Variants in PRRC1 observed in about 807,000 individuals in gnomAD.
PRRC1 encodes the protein protein PRRC1.
In PRRC1, 39 loss-of-function variants were observed where a neutral mutation model predicts 40.7. The observed-to-expected ratio is 0.96, with a 90% confidence interval of 0.74 to 1.25. The LOEUF is 1.25. Ranked by LOEUF, PRRC1 falls within the 50% of genes most tolerant of loss-of-function variation. PRRC1 has a pLI of 0.00. For synonymous variants in PRRC1, 175 were observed against 193.3 expected (o/e 0.91, Z 0.79); for missense variants, 573 against 548.3 (o/e 1.05, Z -0.45).
At chr5:127,539,290 C>A in intron 7 of PRRC1, 147 bp downstream of exon 7, 1 of 581,258 alleles carries the variant, frequency 1.7e-6, no homozygotes, top group South Asian at 2.2e-5. Context: ...AGCTGTGTGT[C>A]CTGCATGGCT....
chr5:127,524,485 A>G, intron 2 of PRRC1, 46 bp from the exon 3 acceptor site: 1 of 1,523,644 alleles, frequency 6.6e-7, no homozygotes, highest in Non-Finnish European at 8.8e-7. Flanking sequence ...AACTAAATAA[A>G]AAACATTTCT....
intron 1 of PRRC1, among the ~76,000 whole-genome samples, chr5:127,520,679 A>G (rs1767435594): frequency 6.6e-6 from 1 of 152,214 alleles, no homozygotes; most frequent in Non-Finnish European, 1.5e-5. Context: ...AAGGAACAAC[A>G]TGAGGAAGTT....
In PRRC1 at chr5:127,524,848, A is replaced by G. The variant is rs375478806; in HGVS notation, c.421A>G (p.Ile141Val). ...SGFSVGSTYD[I>V]TRGHAGRAPQ... ...ATTTTCTGTTGGTTCAACTTATGAC[A>G]TTACAAGGGGACATGCTGGGAGAGC... Residue 141 changes from isoleucine (I) to valine (V), a missense_variant, in exon 3 of 9, where the codon ATT becomes GTT. Coordinates refer to ENST00000296666, the MANE Select transcript of PRRC1 (RefSeq NM_130809.5). The G allele has an allele frequency of 1.2e-6, 2 of 1,614,176 alleles. No homozygotes were observed. Among genetic ancestry groups the G allele is most frequent in the Non-Finnish European group, 1.7e-6 (2 of 1,180,010 alleles).
intron 8 of PRRC1, 190 bp from the exon 9 acceptor site, chr5:127,551,517 T>C (rs1385528351): frequency 1.7e-6 from 1 of 593,728 alleles, no homozygotes; most frequent in East Asian, 2.9e-5. Context: ...AAAAAATAGA[T>C]GTGTGTAATG....
chr5:127,518,743 T>TG (rs1203362504), intron 1 of PRRC1, among the ~76,000 whole-genome samples: 1 of 152,104 alleles, frequency 6.6e-6, no homozygotes, highest in African/African-American at 2.4e-5. Flanking sequence ...TTTTTTTTTT[T>TG]TTTTTAACAG....
intron 1 of PRRC1, among the ~76,000 whole-genome samples, chr5:127,522,875 A>C (rs1044748140): frequency 2.0e-5 from 3 of 152,112 alleles, no homozygotes; most frequent in Non-Finnish European, 4.4e-5. Flanking sequence ...GGTTCAAGGC[A>C]TCTTCTCATC....
At chr5:127,538,783 A>G (rs1165133052) in intron 6 of PRRC1, among the ~76,000 whole-genome samples, 1 of 152,070 alleles carries the variant, frequency 6.6e-6, no homozygotes, top group Non-Finnish European at 1.5e-5. Flanking sequence ...ATGTAATATA[A>G]AAATAATCCA....
chr5:127,521,752 C>G (rs780888378), intron 1 of PRRC1, among the ~76,000 whole-genome samples: 1 of 152,160 alleles, frequency 6.6e-6, no homozygotes, highest in Admixed American at 6.6e-5. Context: ...TCTCCCTTCA[C>G]ATGGATTTTA....
chr5:127,521,701 T>G (rs1767464715), intron 1 of PRRC1, among the ~76,000 whole-genome samples: 1 of 152,254 alleles, frequency 6.6e-6, no homozygotes, highest in African/African-American at 2.4e-5. Context: ...CTGAACACCT[T>G]CTGGGCTTCT....
intron 7 of PRRC1, among the ~76,000 whole-genome samples, chr5:127,544,279 C>T (rs1768146103): frequency 6.6e-6 from 1 of 152,212 alleles, no homozygotes; most frequent in African/African-American, 2.4e-5. Flanking sequence ...AGGTGTCAGT[C>T]TGACCTTACT....
intron 8 of PRRC1, 147 bp downstream of exon 8, chr5:127,548,068 T>C (rs1561689001): frequency 1.4e-6 from 1 of 707,784 alleles, no homozygotes; most frequent in Non-Finnish European, 2.6e-6. Flanking sequence ...CTTTGCTTTT[T>C]AATTTCCTGA....
intron 6 of PRRC1, among the ~76,000 whole-genome samples, chr5:127,534,416 G>A (rs543244844): frequency 6.6e-6 from 1 of 152,272 alleles, no homozygotes; most frequent in South Asian, 2.1e-4. Context: ...TTCACATTCA[G>A]TTAAGTCTAC....
rs1303143229 is a variant in PRRC1, at chr5:127,552,876, C to G, written c.*960C>G. 1 of 972,704 alleles carries G rather than the reference C, an allele frequency of 1.0e-6. No individual in the cohort carries two copies. Among genetic ancestry groups the G allele is most frequent in the African/African-American group, 1.8e-5 (1 of 57,010 alleles). 60.3% of individuals were successfully genotyped at this position (972,704 alleles called of 1,614,324 possible). ...TTTGCCTTAAGCATTACTTTTTTAA[C>G]TTTGTGCCATTTGGTCTTTACTTTT... On this transcript the variant is annotated 3_prime_UTR_variant, in exon 9 of 9. Coordinates refer to ENST00000296666, the MANE Select transcript of PRRC1 (RefSeq NM_130809.5).
In PRRC1 at chr5:127,554,974, T is replaced by G. The variant is rs1223598966; in HGVS notation, c.*3058T>G. The G allele has an allele frequency of 6.6e-6, 1 of 152,638 alleles. No homozygotes were observed. Among genetic ancestry groups the G allele is most frequent in the East Asian group, 1.9e-4 (1 of 5,204 alleles). 9.5% of individuals were successfully genotyped at this position (152,638 alleles called of 1,614,324 possible). A position where few individuals can be genotyped will look rare whatever the true frequency, so the allele number is the denominator to read the frequency against. ...AATTATTAAGAAATATGGATTTTTA[T>G]TCCCAGGATATGGTGTTCATTTTAT... On this transcript the variant is annotated 3_prime_UTR_variant, in exon 9 of 9. Coordinates refer to ENST00000296666, the MANE Select transcript of PRRC1 (RefSeq NM_130809.5).
In PRRC1 at chr5:127,526,721, T is replaced by C; in HGVS notation, c.597T>C (p.Pro199=). Residue 199 remains proline, a synonymous_variant, in exon 4 of 9, where the codon CCT becomes CCC. Transcript: ENST00000296666. Reference sequence around the variant, plus strand: ...CTTTCCCAGAGGAGCAAGAAGACCCTAGAATTACTAGAGGTCAGGATGAAG... The same window carrying C: ...CTTTCCCAGAGGAGCAAGAAGACCCCAGAATTACTAGAGGTCAGGATGAAG... The part of the protein sequence containing the change: ...AITFPEEQED[P]RITRGQDEAS... 1.2e-6 allele frequency: 2 copies of C among 1,613,262 alleles called. No homozygotes were observed. The highest frequency in any genetic ancestry group is 1.7e-4 in the Middle Eastern group (1 of 6,056).
chr5:127,523,774 T>C (rs1470922371), intron 2 of PRRC1, 192 bp downstream of exon 2: 7 of 410,194 alleles, frequency 1.7e-5, no homozygotes, highest in African/African-American at 4.1e-5. Flanking sequence ...AAAACATCAG[T>C]GTTTTGCTTT....
rs373297187 is a variant in PRRC1, at chr5:127,533,816, T to G, written c.921+30T>G. The G allele has an allele frequency of 1.2e-4, 195 of 1,608,872 alleles. No individual in the cohort carries two copies. In the African/African-American group the frequency reaches 2.4e-3, roughly 20 times the overall value. On this transcript the variant is annotated intron_variant, in intron 6 of 8. Transcript: ENST00000296666. ...GTAACAGAACACCATTTTCAGGACA[T>G]GGAAACTGGCATTTAATTTTTTCAC...
In PRRC1 at chr5:127,552,088, A is replaced by C; in HGVS notation, c.*172A>C. ...AAGGCATCATGTCATTCCAGGAGAC[A>C]AAAAGAAACAAATCCTTTTTATAGT... On this transcript the variant is annotated 3_prime_UTR_variant, in exon 9 of 9. Transcript: ENST00000296666. 7.0e-7 allele frequency: 1 copy of C among 1,421,266 alleles called. No homozygotes were observed. The highest frequency in any genetic ancestry group is 1.6e-5 in the South Asian group (1 of 63,550). The allele number at this position is 1,421,266 out of a possible 1,614,324, so 88.0% of individuals were successfully genotyped here.
At chr5:127,541,207 C>T (rs1437054477) in intron 7 of PRRC1, among the ~76,000 whole-genome samples, 3 of 152,196 alleles carry the variant, frequency 2.0e-5, no homozygotes, top group African/African-American at 7.2e-5. Flanking sequence ...ACCAGCCTTT[C>T]TTCCCAGGGA....
Sources: allele counts gnomAD v4.1 joint callset (sites outside exome capture counted in the v4.1 genomes callset), GRCh38; gene constraint gnomAD v4.1.1; transcripts MANE v1.5; gene names NCBI Gene and HGNC (gene_info 2026-07-23, HGNC 2026-07-21).